The following POU6F2 variants were observed in gnomAD, a reference collection of about 807,000 sequenced individuals.
POU6F2 encodes the protein POU domain, class 6, transcription factor 2.
In POU6F2, 31 loss-of-function variants were observed where a neutral mutation model predicts 71.3. That is an observed-to-expected ratio of 0.43 (90% CI 0.33 to 0.59). The LOEUF (loss-of-function observed/expected upper bound fraction) is 0.59. Among genes scored for constraint, POU6F2 ranks in the 20% least tolerant of loss-of-function variants. The probability of loss-of-function intolerance (pLI) is 0.04; values close to 1 mark genes in which losing one functional copy is unlikely to be tolerated. For synonymous variants in POU6F2, 347 were observed against 355.7 expected, an observed-to-expected ratio of 0.98 and a Z score of 0.27; for missense variants, 783 against 856.8, an observed-to-expected ratio of 0.91 and a Z score of 1.07.
chr7:39,143,362 T>C (rs1427271234), intron 2 of POU6F2, among the ~76,000 whole-genome samples: 1 of 152,192 alleles, frequency 6.6e-6, no homozygotes, highest in Non-Finnish European at 1.5e-5. Flanking sequence ...ATTGAGGAGA[T>C]AAAATGTTTA....
intron 5 of POU6F2, among the ~76,000 whole-genome samples, chr7:39,351,076 T>C (rs1786131642): frequency 6.6e-6 from 1 of 152,172 alleles, no homozygotes; most frequent in African/African-American, 2.4e-5. Context: ...GCACCAGCAT[T>C]TTTTAAACTT....
intron 7 of POU6F2, among the ~76,000 whole-genome samples, chr7:39,443,537 GTAGAAATGAA>G (rs1788458360): frequency 6.6e-6 from 1 of 152,184 alleles, no homozygotes; most frequent in Admixed American, 6.5e-5. Flanking sequence ...CAGGGAAATG[GTAGAAATGAA>G]TGAATGACTT....
chr7:39,212,868 C>T (rs894058868), intron 4 of POU6F2, among the ~76,000 whole-genome samples: 2 of 152,184 alleles, frequency 1.3e-5, no homozygotes, highest in Non-Finnish European at 2.9e-5. Context: ...CTTTATGGAG[C>T]TCATGCAAAT....
chr7:39,080,827 G>A (rs1174549898), intron 1 of POU6F2, among the ~76,000 whole-genome samples: 1 of 152,072 alleles, frequency 6.6e-6, no homozygotes, highest in Non-Finnish European at 1.5e-5. Context: ...TAATTATCTC[G>A]CTATCTTTAG....
At chr7:39,282,194 T>C (rs1486908093) in intron 4 of POU6F2, among the ~76,000 whole-genome samples, 1 of 152,208 alleles carries the variant, frequency 6.6e-6, no homozygotes, top group African/African-American at 2.4e-5. Flanking sequence ...TATTAACTCC[T>C]TGTTGGATGC....
intron 2 of POU6F2, among the ~76,000 whole-genome samples, chr7:39,102,136 G>T: frequency 6.6e-6 from 1 of 152,142 alleles, no homozygotes; most frequent in East Asian, 1.9e-4. Context: ...AGGTGAAAGG[G>T]CCAGGTGCAA....
At chr7:39,000,353 G>T (rs1294267298) in intron 1 of POU6F2, among the ~76,000 whole-genome samples, 1 of 152,144 alleles carries the variant, frequency 6.6e-6, no homozygotes, top group Non-Finnish European at 1.5e-5. Flanking sequence ...TCACTTATAA[G>T]GCTTTTACTT....
At chr7:39,081,768 T>G (rs985402587) in intron 1 of POU6F2, among the ~76,000 whole-genome samples, 2 of 152,210 alleles carry the variant, frequency 1.3e-5, no homozygotes, top group Non-Finnish European at 2.9e-5. Flanking sequence ...TTATCCAGGC[T>G]TTAACACCCT....
At chr7:39,074,550 T>A (rs1239271251) in intron 1 of POU6F2, among the ~76,000 whole-genome samples, 1 of 152,212 alleles carries the variant, frequency 6.6e-6, no homozygotes, top group East Asian at 1.9e-4. Flanking sequence ...TCAATTCTTA[T>A]TTTTGTTTTT....
Position 39,355,422 on chromosome 7 carries a change from A to G in POU6F2, c.972+15407A>G, listed in dbSNP as rs148264493. On this transcript the variant is annotated intron_variant, in intron 5 of 9. Transcript: ENST00000518318. Reference sequence around the variant, plus strand: ...ATCTAATTGTACATATATATTTTGTATGTATATATGTGTTGGCCTGAGATG... The same window carrying G: ...ATCTAATTGTACATATATATTTTGTGTGTATATATGTGTTGGCCTGAGATG... Among the ~76,000 whole-genome samples the G allele has an allele frequency of 4.1e-3, 629 of 152,280 alleles. 4 individuals carry two copies. The highest frequency in any genetic ancestry group is 0.014 in the African/African-American group (575 of 41,546).
At chr7:39,027,561 T>C (rs1027166073) in intron 1 of POU6F2, among the ~76,000 whole-genome samples, 2 of 152,202 alleles carry the variant, frequency 1.3e-5, no homozygotes, top group Non-Finnish European at 2.9e-5. Flanking sequence ...CAGCTCTGCT[T>C]TTCTGTCGTT....
chr7:39,460,854 G>A lies in POU6F2; in HGVS notation c.1658+139G>A. On this transcript the variant is annotated intron_variant, in intron 9 of 9. Coordinates refer to ENST00000518318, the MANE Select transcript of POU6F2 (RefSeq NM_001370959.1). The surrounding 1 kb of genome is among the most constrained non-coding windows in gnomAD (Gnocchi z 4.4). ...CAAAGTTTGGGGGCAGCTATATGTT[G>A]GGATTGGTGATCTTGATGCAAACGA... 1 of 1,080,246 alleles carries A rather than the reference G, an allele frequency of 9.3e-7. No homozygotes were observed. Among genetic ancestry groups the A allele is most frequent in the Non-Finnish European group, 1.3e-6 (1 of 785,772 alleles). The allele number at this position is 1,080,246 out of a possible 1,614,324, so 66.9% of individuals were successfully genotyped here.
chr7:39,140,360 G>A (rs1321680660), intron 2 of POU6F2, among the ~76,000 whole-genome samples: 1 of 152,210 alleles, frequency 6.6e-6, no homozygotes, highest in Non-Finnish European at 1.5e-5. Flanking sequence ...GCATAGGGGA[G>A]TGCATTAGTT....
intron 1 of POU6F2, among the ~76,000 whole-genome samples, chr7:39,047,780 A>G (rs1043425680): frequency 6.6e-6 from 1 of 151,934 alleles, no homozygotes; most frequent in Admixed American, 6.6e-5. Flanking sequence ...AATTTTGTCA[A>G]CTGCCTTTTC....
At chr7:39,170,102 A>G (rs1388293973) in intron 2 of POU6F2, among the ~76,000 whole-genome samples, 1 of 152,152 alleles carries the variant, frequency 6.6e-6, no homozygotes, top group East Asian at 1.9e-4. Context: ...TGGGAGGTGG[A>G]GGTTGCAGTG....
chr7:39,362,176 G>C (rs1310796496), intron 5 of POU6F2, among the ~76,000 whole-genome samples: 1 of 151,682 alleles, frequency 6.6e-6, no homozygotes, highest in Non-Finnish European at 1.5e-5. Context: ...TGCTCAAAAA[G>C]CATCTACTAA....
intron 1 of POU6F2, among the ~76,000 whole-genome samples, chr7:38,998,794 C>T (rs965212410): frequency 6.7e-5 from 10 of 149,876 alleles, no homozygotes; most frequent in Middle Eastern, 3.5e-3. Flanking sequence ...GGACTACAGG[C>T]GCCTGCCACC....
chr7:39,140,950 G>C (rs1562720804), intron 2 of POU6F2, among the ~76,000 whole-genome samples: 1 of 152,096 alleles, frequency 6.6e-6, no homozygotes, highest in Admixed American at 6.5e-5. Flanking sequence ...GCAACACAGG[G>C]GCCCATGCCT....
chr7:39,109,066 A>G (rs13225732), intron 2 of POU6F2, among the ~76,000 whole-genome samples: 4,542 of 152,206 alleles, frequency 0.03, 96 homozygotes, highest in Middle Eastern at 0.078. Context: ...TACTTTTTGA[A>G]ACAGGGTCTC....
Sources: gnomAD v4.1 joint callset for allele counts (sites outside exome capture counted in the v4.1 genomes callset) on GRCh38, gnomAD v4.1.1 for gene constraint, Gnocchi (gnomAD v3.1) non-coding constraint, MANE v1.5 for transcripts, NCBI Gene and HGNC (gene_info 2026-07-23, HGNC 2026-07-21) for gene names.